Variants in CDK3 observed in about 807,000 individuals in gnomAD.
CDK3 encodes the protein cyclin-dependent kinase 3.
Under a neutral mutation model 30.2 loss-of-function variants are expected in CDK3, and 24 were observed. The observed-to-expected ratio is 0.79, with a 90% CI of 0.57 to 1.12. The LOEUF (loss-of-function observed/expected upper bound fraction) is 1.12. CDK3 is among the 50% of genes most tolerant of loss of function. The probability of loss-of-function intolerance (pLI) is 0.00; values close to 1 mark genes in which losing one functional copy is unlikely to be tolerated. For missense variants in CDK3, 345 were observed against 376.0 expected (o/e 0.92, Z 0.68); for synonymous variants, 158 against 154.2 (o/e 1.02, Z -0.18).
rs543104811 is a variant in CDK3 at position 76,004,340 on chromosome 17, T to TA, written c.792+942_792+943insA. Among the ~76,000 whole-genome samples, 701 of 148,474 alleles carry TA rather than the reference T, an allele frequency of 4.7e-3. 4 individuals are homozygous for TA. Among genetic ancestry groups the TA allele is most frequent in the African/African-American group, 0.016 (659 of 40,150 alleles). On this transcript the variant is annotated intron_variant, in intron 7 of 7. Transcript: ENST00000448471. ...CACAAGCGATCCTCCCATCTCAGCCTCCTGAGTAGCTGGGACCACAGGTAT... is the reference window on the plus strand; with the variant it reads ...CACAAGCGATCCTCCCATCTCAGCCTACCTGAGTAGCTGGGACCACAGGTAT...
At chr17:76,003,703 T>C (rs1174079927) in intron 7 of CDK3, among the ~76,000 whole-genome samples, 2 of 152,228 alleles carry the variant, frequency 1.3e-5, no homozygotes, top group Non-Finnish European at 2.9e-5. Flanking sequence ...TACTGCTCCA[T>C]CTAAGCTGTA....
At chr17:76,003,719 C>T (rs1298334800) in intron 7 of CDK3, among the ~76,000 whole-genome samples, 1 of 152,128 alleles carries the variant, frequency 6.6e-6, no homozygotes, top group Non-Finnish European at 1.5e-5. Context: ...CTGTATGCCT[C>T]CCCAGGCTGG....
Position 76,001,712 on chromosome 17 carries a change from G to T in CDK3, c.117-162G>T, listed in dbSNP as rs2066261300. 2 of 901,592 alleles carry T rather than the reference G, an allele frequency of 2.2e-6. No homozygotes were observed. The highest frequency in any genetic ancestry group is 3.4e-5 in the African/African-American group (2 of 59,586). The allele number at this position is 901,592 out of a possible 1,614,324, so 55.8% of individuals were successfully genotyped here. On this transcript the variant is annotated intron_variant, in intron 2 of 7. Coordinates refer to ENST00000448471, the MANE Select transcript of CDK3 (RefSeq NM_001258.4). The surrounding 1 kb of genome is among the most constrained non-coding windows in gnomAD (Gnocchi z 6.2). ...TGCCTTCTGACCAGCCTTTGCCGGG[G>T]CCCTGACTGTGGAGTTTGGTGGATG... is the stretch of plus-strand genomic sequence containing the variant.
chr17:76,003,156 A>G, intron 6 of CDK3, 39 bp from the exon 7 acceptor site: 1 of 1,564,696 alleles, frequency 6.4e-7, no homozygotes, highest in Non-Finnish European at 8.8e-7. Context: ...TGTATAACAA[A>G]GTGGCGGACC....
At position 76,002,430 on chromosome 17, in the gene CDK3, CAAAG is replaced by C. The variant is rs773857999; in HGVS notation, c.486+14_486+17del. On this transcript the variant is annotated intron_variant, in intron 5 of 7. Coordinates refer to ENST00000448471, the MANE Select transcript of CDK3 (RefSeq NM_001258.4). This position sits in a 1 kb window ranked among gnomAD's most constrained non-coding sequence, Gnocchi z 4.3. ...CCTACACCCATGAGGTATTGTGAGA[CAAAG>C]AGGAGAGAGGGGCAGCAGGAGGAGT... The C allele has an allele frequency of 3.7e-6, 6 of 1,612,366 alleles. No homozygotes were observed. Among genetic ancestry groups the C allele is most frequent in the Non-Finnish European group, 5.1e-6 (6 of 1,179,790 alleles).
Position 76,001,083 on chromosome 17 carries a change from A to G in CDK3, c.-15+116A>G. 2 of 1,052,904 alleles carry G rather than the reference A, an allele frequency of 1.9e-6. No homozygotes were observed. Among genetic ancestry groups the G allele is most frequent in the Non-Finnish European group, 2.4e-6 (2 of 841,992 alleles). The allele number at this position is 1,052,904 out of a possible 1,614,324, so 65.2% of individuals were successfully genotyped here. On this transcript the variant is annotated intron_variant, in intron 1 of 7. Coordinates refer to ENST00000448471, the MANE Select transcript of CDK3 (RefSeq NM_001258.4). This position sits in a 1 kb window ranked among gnomAD's most constrained non-coding sequence, Gnocchi z 6.2. Reference sequence around the variant, plus strand: ...TGACTTCCTGGGGGTTCTGGCTGGGATGGGCAGGGGGCTGGGTGGGAGAGT... The same window carrying G: ...TGACTTCCTGGGGGTTCTGGCTGGGGTGGGCAGGGGGCTGGGTGGGAGAGT...
Position 76,002,551 on chromosome 17 carries a change from G to A in CDK3, c.527G>A (p.Gly176Asp), listed in dbSNP as rs1220627683. The part of the protein sequence containing the change: ...LWYRAPEILL[G>D]SKFYTTAVDI... Reference sequence around the variant, plus strand: ...TATCGCGCCCCCGAGATTCTCTTGGGCAGCAAGTTCTATACCACAGCTGTG... The same window carrying A: ...TATCGCGCCCCCGAGATTCTCTTGGACAGCAAGTTCTATACCACAGCTGTG... Residue 176 changes from glycine (G) to aspartate (D), a missense_variant, in exon 6 of 8, where the codon GGC (glycine) becomes GAC (aspartate). Physicochemically the swap from Gly to Asp is moderately conservative, Grantham distance 94. Coordinates refer to ENST00000448471, the MANE Select transcript of CDK3 (RefSeq NM_001258.4). The surrounding 1 kb of genome is among the most constrained non-coding windows in gnomAD (Gnocchi z 4.3). The A allele has an allele frequency of 9.8e-6, 10 of 1,022,716 alleles. No homozygotes were observed. Among genetic ancestry groups the A allele is most frequent in the Non-Finnish European group, 1.3e-5 (8 of 639,522 alleles). The allele number at this position is 1,022,716 out of a possible 1,614,324, so 63.4% of individuals were successfully genotyped here. A position where few individuals can be genotyped will look rare whatever the true frequency, so the allele number is the denominator to read the frequency against.
In CDK3 at chr17:76,002,548, T is replaced by C; in HGVS notation, c.524T>C (p.Leu175Ser). 9.5e-7 allele frequency: 1 copy of C among 1,049,282 alleles called. No individual in the cohort carries two copies. The highest frequency in any genetic ancestry group is 1.5e-6 in the Non-Finnish European group (1 of 663,714). 65.0% of individuals were successfully genotyped at this position (1,049,282 alleles called of 1,614,324 possible). A position where few individuals can be genotyped will look rare whatever the true frequency, so the allele number is the denominator to read the frequency against. ...TGGTATCGCGCCCCCGAGATTCTCT[T>C]GGGCAGCAAGTTCTATACCACAGCT... ...TLWYRAPEIL[L>S]GSKFYTTAVD... is the part of the protein sequence containing the mutation. The change falls in exon 6 of 8, where the codon TTG becomes TCG. Residue 175 changes from leucine (L) to serine (S), a missense_variant. Physicochemically the swap from Leu to Ser is moderately radical, Grantham distance 145. Coordinates refer to ENST00000448471, the MANE Select transcript of CDK3 (RefSeq NM_001258.4). The surrounding 1 kb of genome is among the most constrained non-coding windows in gnomAD (Gnocchi z 4.3).
Position 76,001,552 on chromosome 17 carries a change from G to T in CDK3, c.116+11G>T, listed in dbSNP as rs1316016505. 2 of 1,611,148 alleles carry T rather than the reference G, an allele frequency of 1.2e-6. No individual in the cohort carries two copies. ...GATCAGACTGGATTTGTGAGTGCTG[G>T]GACGGCCCCTGAGTTACCCACCCTG... is the stretch of plus-strand genomic sequence containing the variant. On this transcript the variant is annotated intron_variant, in intron 2 of 7. Coordinates refer to ENST00000448471, the MANE Select transcript of CDK3 (RefSeq NM_001258.4). This position sits in a 1 kb window ranked among gnomAD's most constrained non-coding sequence, Gnocchi z 6.2.
rs1464824059 is a variant in CDK3, at chr17:76,005,677, A to G, written c.*254A>G. 3 of 410,722 alleles carry G rather than the reference A, an allele frequency of 7.3e-6. No individual in the cohort carries two copies. The highest frequency in any genetic ancestry group is 4.3e-5 in the Admixed American group (1 of 23,526). The allele number at this position is 410,722 out of a possible 1,614,324, so 25.4% of individuals were successfully genotyped here. A position where few individuals can be genotyped will look rare whatever the true frequency, so the allele number is the denominator to read the frequency against. ...ACGAGGGGTCCCCGGGCACTGGAAC[A>G]AGTGCCAAGTTGAAGGCAGGGGGCC... On this transcript the variant is annotated 3_prime_UTR_variant, in exon 8 of 8. Coordinates refer to ENST00000448471, the MANE Select transcript of CDK3 (RefSeq NM_001258.4). The surrounding 1 kb of genome is among the most constrained non-coding windows in gnomAD (Gnocchi z 4.7).
At position 76,004,336 on chromosome 17, in the gene CDK3, AGCC is replaced by A. The variant is rs534639148; in HGVS notation, c.792+939_792+941del. Among the ~76,000 whole-genome samples the A allele has an allele frequency of 4.7e-3, 699 of 147,406 alleles. 4 individuals are homozygous for A. The highest frequency in any genetic ancestry group is 0.017 in the African/African-American group (657 of 39,556). On this transcript the variant is annotated intron_variant, in intron 7 of 7. Coordinates refer to ENST00000448471, the MANE Select transcript of CDK3 (RefSeq NM_001258.4). Reference sequence around the variant, plus strand: ...CAGGCACAAGCGATCCTCCCATCTCAGCCTCCTGAGTAGCTGGGACCACAGGTA... The same window carrying A: ...CAGGCACAAGCGATCCTCCCATCTCATCCTGAGTAGCTGGGACCACAGGTA...
Position 76,002,319 on chromosome 17 carries a change from GC to G in CDK3, c.391del (p.Gln131ArgfsTer34). On this transcript the variant is annotated frameshift_variant, in exon 5 of 8. Coordinates refer to ENST00000448471, the MANE Select transcript of CDK3 (RefSeq NM_001258.4). LOFTEE classifies it high-confidence loss of function. The surrounding 1 kb of genome is among the most constrained non-coding windows in gnomAD (Gnocchi z 4.3). ...SHRVIHRDLKPQNLLINELGA... is the reference protein window; with the variant it reads ...SHRVIHRDLKXQNLLINELGA... ...ATCGGGTCATCCACCGAGACCTGAA[GC>G]CCCAGAACCTGCTCATCAATGAGTT... 1 of 1,612,724 alleles carries G rather than the reference GC, an allele frequency of 6.2e-7. No individual in the cohort carries two copies.
rs1296117150 is a variant in CDK3, at chr17:76,002,026, CTGGACG to C, written c.203_208del (p.Asp68_Val69del). On this transcript the variant is annotated inframe_deletion, in exon 4 of 8. Coordinates refer to ENST00000448471, the MANE Select transcript of CDK3 (RefSeq NM_001258.4). The surrounding 1 kb of genome is among the most constrained non-coding windows in gnomAD (Gnocchi z 4.3). Reference sequence around the variant, plus strand: ...TGACTGCCATCTCCCTGTCAGACTGCTGGACGTGGTGCACAACGAGAGGAAGCTCTA... The same window carrying C: ...TGACTGCCATCTCCCTGTCAGACTGCTGGTGCACAACGAGAGGAAGCTCTA... 2 of 1,614,122 alleles carry C rather than the reference CTGGACG, an allele frequency of 1.2e-6. No homozygotes were observed. Among genetic ancestry groups the C allele is most frequent in the Admixed American group, 1.7e-5 (1 of 60,004 alleles).
intron 7 of CDK3, among the ~76,000 whole-genome samples, chr17:76,004,921 G>C (rs1449890760): frequency 6.6e-6 from 1 of 152,192 alleles, no homozygotes; most frequent in African/African-American, 2.4e-5. Flanking sequence ...GGGCTGGACA[G>C]GTTTGGCCTC....
In CDK3 at chr17:76,005,397, T is replaced by C; in HGVS notation, c.892T>C (p.Tyr298His). The change falls in exon 8 of 8, where the codon TAT (tyrosine) becomes CAT (histidine). Residue 298 changes from tyrosine (Y) to histidine (H), a missense_variant. Coordinates refer to ENST00000448471, the MANE Select transcript of CDK3 (RefSeq NM_001258.4). The surrounding 1 kb of genome is among the most constrained non-coding windows in gnomAD (Gnocchi z 4.7). ...TGAGCCCTCCCCAGCTGCCCGCCAG[T>C]ATGTGCTGCAGCGATTCCGCCATTG... is the stretch of plus-strand genomic sequence containing the variant. The part of the protein sequence containing the change: ...SPEPSPAARQ[Y>H]VLQRFRH 6.2e-7 allele frequency: 1 copy of C among 1,613,982 alleles called. No homozygotes were observed.
chr17:76,004,621 G>C (rs1341414290), intron 7 of CDK3: 1 of 152,502 alleles, frequency 6.6e-6, no homozygotes, highest in Non-Finnish European at 1.5e-5. Flanking sequence ...CAAAGTGCTG[G>C]GGGGATCACA....
rs1325135883 is a variant in CDK3 at position 76,005,770 on chromosome 17, G to C, written c.*347G>C. 2 of 217,242 alleles carry C rather than the reference G, an allele frequency of 9.2e-6. No individual in the cohort carries two copies. The highest frequency in any genetic ancestry group is 2.1e-4 in the East Asian group (2 of 9,474). The allele number at this position is 217,242 out of a possible 1,614,324, so 13.5% of individuals were successfully genotyped here. A position where few individuals can be genotyped will look rare whatever the true frequency, so the allele number is the denominator to read the frequency against. On this transcript the variant is annotated 3_prime_UTR_variant, in exon 8 of 8. Coordinates refer to ENST00000448471, the MANE Select transcript of CDK3 (RefSeq NM_001258.4). The surrounding 1 kb of genome is among the most constrained non-coding windows in gnomAD (Gnocchi z 4.7). ...CCTGCAGGGCCAGACCCTGAGGAAA[G>C]GGCGCCCCCTGCTGGTCTTTTTGGA...
rs780930058 is a variant in CDK3, at chr17:76,001,479, G to A, written c.54G>A (p.Val18=). The A allele has an allele frequency of 4.1e-5, 66 of 1,614,032 alleles. No homozygotes were observed. In the East Asian group the frequency reaches 1.3e-3, roughly 31 times the overall value. ...EKIGEGTYGV[V]YKAKNRETGQ... is the part of the protein sequence containing the mutation. ...TCGGAGAGGGCACCTATGGGGTGGT[G>A]TACAAGGCCAAGAACAGGGAGACAG... Residue 18 remains valine, a synonymous_variant, in exon 2 of 8, where the codon GTG becomes GTA. Coordinates refer to ENST00000448471, the MANE Select transcript of CDK3 (RefSeq NM_001258.4). This position sits in a 1 kb window ranked among gnomAD's most constrained non-coding sequence, Gnocchi z 6.2.
Position 76,001,004 on chromosome 17 carries a change from C to T in CDK3, c.-15+37C>T. 1 of 1,104,440 alleles carries T rather than the reference C, an allele frequency of 9.1e-7. No individual in the cohort carries two copies. The highest frequency in any genetic ancestry group is 1.7e-5 in the African/African-American group (1 of 59,734). 68.4% of individuals were successfully genotyped at this position (1,104,440 alleles called of 1,614,324 possible). A position where few individuals can be genotyped will look rare whatever the true frequency, so the allele number is the denominator to read the frequency against. On this transcript the variant is annotated intron_variant, in intron 1 of 7. Coordinates refer to ENST00000448471, the MANE Select transcript of CDK3 (RefSeq NM_001258.4). The surrounding 1 kb of genome is among the most constrained non-coding windows in gnomAD (Gnocchi z 6.2). ...TGGTCTTGCCCTCTAAGGCCCGGCA[C>T]AAGTGAGAGGCCTGGGGGTCCATGT...
Sources: gnomAD v4.1 joint callset for allele counts (sites outside exome capture counted in the v4.1 genomes callset) on GRCh38, gnomAD v4.1.1 for gene constraint, Gnocchi (gnomAD v3.1) non-coding constraint, MANE v1.5 for transcripts, NCBI Gene and HGNC (gene_info 2026-07-23, HGNC 2026-07-21) for gene names.